Variants in MEMO1 observed in about 807,000 individuals in gnomAD.
The protein encoded by MEMO1 is protein MEMO1.
A neutral mutation model predicts 45.2 loss-of-function variants in MEMO1; 6 were observed. The observed-to-expected ratio is 0.13, with a 90% CI of 0.07 to 0.26. The LOEUF (loss-of-function observed/expected upper bound fraction) is 0.26, where lower values mean the gene tolerates loss of function less well. MEMO1 is among the 10% of genes least tolerant of loss of function. MEMO1 has a pLI of 1.00. For synonymous variants in MEMO1, 78 were observed against 124.3 expected (o/e 0.63, Z 2.48); for missense variants, 184 against 370.5 (o/e 0.50, Z 4.13).
rs866231732 is a variant in MEMO1 at position 31,876,147 on chromosome 2, T to G, written c.658-6195A>C. Among the ~76,000 whole-genome samples the G allele has an allele frequency of 1.8e-4, 28 of 152,310 alleles. No individual in the cohort carries two copies. The Middle Eastern group carries it at 0.01, about 56-fold the overall frequency. On this transcript the variant is annotated intron_variant, in intron 8 of 9. Coordinates refer to ENST00000404530, the MANE Select transcript of MEMO1 (RefSeq NM_001301833.4). ...CTATATTATCAGCTCCCTGCCTCTT[T>G]TATACACACCACTCTTCTTACTCTT...
chr2:31,886,352 G>A (rs1676186544), intron 7 of MEMO1, among the ~76,000 whole-genome samples: 1 of 152,084 alleles, frequency 6.6e-6, no homozygotes, highest in African/African-American at 2.4e-5. Context: ...CATACAGAAG[G>A]CATCTAATTT....
At chr2:31,899,976 T>C (rs1195239880) in intron 6 of MEMO1, among the ~76,000 whole-genome samples, 1 of 152,152 alleles carries the variant, frequency 6.6e-6, no homozygotes, top group Non-Finnish European at 1.5e-5. Flanking sequence ...AAAACCACAG[T>C]GTGATACCAT....
At chr2:31,988,589 G>A (rs1671562897) in intron 2 of MEMO1, among the ~76,000 whole-genome samples, 1 of 152,162 alleles carries the variant, frequency 6.6e-6, no homozygotes, top group African/African-American at 2.4e-5. Flanking sequence ...GGATAAAACT[G>A]CTGTTGTCTC....
At chr2:31,915,518 C>T (rs1182065851) in intron 6 of MEMO1, among the ~76,000 whole-genome samples, 1 of 151,406 alleles carries the variant, frequency 6.6e-6, no homozygotes, top group Non-Finnish European at 1.5e-5. Flanking sequence ...CATAATAGGC[C>T]TAGAAACTTC....
intron 2 of MEMO1, among the ~76,000 whole-genome samples, chr2:31,964,257 C>T (rs1054579857): frequency 6.6e-6 from 1 of 151,630 alleles, no homozygotes; most frequent in African/African-American, 2.4e-5. Flanking sequence ...AACACACACA[C>T]AAACACAGTT....
chr2:31,892,701 T>C (rs1357959679), intron 6 of MEMO1, among the ~76,000 whole-genome samples: 1 of 152,192 alleles, frequency 6.6e-6, no homozygotes, highest in Non-Finnish European at 1.5e-5. Context: ...CAGTCTGAAA[T>C]ACAACTCAAA....
intron 2 of MEMO1, among the ~76,000 whole-genome samples, chr2:32,007,868 A>G (rs1425089080): frequency 6.6e-6 from 1 of 152,226 alleles, no homozygotes; most frequent in Non-Finnish European, 1.5e-5. Context: ...TTTTTAAAAT[A>G]CAAAATAAGC....
intron 2 of MEMO1, among the ~76,000 whole-genome samples, chr2:31,997,524 C>T (rs979740409): frequency 2.0e-5 from 3 of 152,140 alleles, no homozygotes; most frequent in African/African-American, 7.2e-5. Flanking sequence ...TTTCTCTCCT[C>T]CTGTGACTAA....
chr2:31,974,094 C>G (rs768857157), intron 2 of MEMO1, among the ~76,000 whole-genome samples: 17 of 151,356 alleles, frequency 1.1e-4, no homozygotes, highest in Non-Finnish European at 1.9e-4. Context: ...TCGCTCGCTC[C>G]CTCCCTCCCT....
At chr2:31,888,112 C>T (rs1676453694) in intron 7 of MEMO1, among the ~76,000 whole-genome samples, 2 of 152,062 alleles carry the variant, frequency 1.3e-5, no homozygotes, top group Non-Finnish European at 2.9e-5. Flanking sequence ...ACCAAGTAAA[C>T]TTATCTAAAC....
At chr2:31,984,914 A>G (rs1258504047) in intron 2 of MEMO1, among the ~76,000 whole-genome samples, 2 of 152,262 alleles carry the variant, frequency 1.3e-5, no homozygotes, top group African/African-American at 4.8e-5. Flanking sequence ...TTTTAGTTTT[A>G]ATAAATGTAC....
At chr2:31,973,989 A>G (rs1264976592) in intron 2 of MEMO1, among the ~76,000 whole-genome samples, 6 of 152,218 alleles carry the variant, frequency 3.9e-5, no homozygotes, top group Non-Finnish European at 1.5e-5. Flanking sequence ...TAAAATCAAC[A>G]AAGAAAAAAG....
intron 6 of MEMO1, among the ~76,000 whole-genome samples, chr2:31,914,581 T>C (rs1187623223): frequency 6.6e-6 from 1 of 152,136 alleles, no homozygotes; most frequent in African/African-American, 2.4e-5. Flanking sequence ...TGCATGACCG[T>C]ATCAAAACTT....
chr2:31,935,691 G>A (rs1003741616), intron 3 of MEMO1, among the ~76,000 whole-genome samples: 1 of 152,116 alleles, frequency 6.6e-6, no homozygotes, highest in African/African-American at 2.4e-5. Flanking sequence ...ACATGGTAAT[G>A]AAGAAAATCA....
At position 31,943,364 on chromosome 2, in the gene MEMO1, C is replaced by G; in HGVS notation, c.81G>C (p.Gln27His). ...GTACTTGTGAAAGCCAACCTTCTAGCTGTGCATTCAGCTGCGGTCCTATAA... is the reference window on the plus strand; with the variant it reads ...GTACTTGTGAAAGCCAACCTTCTAGGTGTGCATTCAGCTGCGGTCCTATAA... ...YTASGPQLNA[Q>H]LEGWLSQVQS... Residue 27 changes from glutamine (Q) to histidine (H), a missense_variant, in exon 3 of 10, where the codon CAG becomes CAC. Gln to His is a conservative substitution (Grantham distance 24, BLOSUM62 0). Around this residue, in one of 3 missense-constraint regions of MEMO1, gnomAD observed 27 missense variants for 82.1 expected, o/e 0.33. Coordinates refer to ENST00000404530, the MANE Select transcript of MEMO1 (RefSeq NM_001301833.4). 1.2e-6 allele frequency: 2 copies of G among 1,613,654 alleles called. No homozygotes were observed. Among genetic ancestry groups the G allele is most frequent in the Non-Finnish European group, 1.7e-6 (2 of 1,179,540 alleles).
At position 31,926,833 on chromosome 2, in the gene MEMO1, C is replaced by T. The variant is rs530719908; in HGVS notation, c.212+5234G>A. ...CTGCACTCCAGCTGGGCGACAAGCA[C>T]GAAACTCTGCCTCAAAAAAAAAAGA... On this transcript the variant is annotated intron_variant, in intron 4 of 9. Transcript: ENST00000404530. Among the ~76,000 whole-genome samples, 161 of 149,736 alleles carry T rather than the reference C, an allele frequency of 1.1e-3. 1 individual carries two copies. Among genetic ancestry groups the T allele is most frequent in the African/African-American group, 3.9e-3 (159 of 40,722 alleles).
At chr2:31,962,922 T>G (rs531561547) in intron 2 of MEMO1, among the ~76,000 whole-genome samples, 2 of 152,234 alleles carry the variant, frequency 1.3e-5, no homozygotes, top group Admixed American at 1.3e-4. Flanking sequence ...ATCCTCCCTA[T>G]GTGGGTAGGC....
chr2:31,934,698 T>C (rs1264422941), intron 3 of MEMO1, among the ~76,000 whole-genome samples: 2 of 152,102 alleles, frequency 1.3e-5, no homozygotes, highest in African/African-American at 4.8e-5. Flanking sequence ...AGGGGCTTGA[T>C]AAAACAAGAT....
chr2:31,883,991 C>T (rs1364431471), intron 7 of MEMO1, among the ~76,000 whole-genome samples: 1 of 150,898 alleles, frequency 6.6e-6, no homozygotes, highest in Non-Finnish European at 1.5e-5. Context: ...CATTTTTGCA[C>T]AACTTGGAAA....
Sources: allele counts gnomAD v4.1 joint callset (sites outside exome capture counted in the v4.1 genomes callset), GRCh38; gene constraint gnomAD v4.1.1; regional missense constraint gnomAD v4.1.1; transcripts MANE v1.5; gene names NCBI Gene and HGNC (gene_info 2026-07-23, HGNC 2026-07-21).